ZNG1A: variants seen among roughly 807,000 people sequenced by gnomAD.
The protein encoded by ZNG1A is zinc-regulated GTPase metalloprotein activator 1A.
chr9:144,495 G>A, the ZNG1A span, among the ~76,000 whole-genome samples: 11 of 152,064 alleles, frequency 7.2e-5, no homozygotes, highest in African/African-American at 4.8e-5. Flanking sequence ...CTAGCCATAT[G>A]TAGAAAGCTG....
the ZNG1A span, among the ~76,000 whole-genome samples, chr9:175,950 T>C: frequency 2.0e-5 from 3 of 150,510 alleles, no homozygotes; most frequent in East Asian, 5.8e-4. Context: ...TCGAAACCTG[T>C]TGCAAAATAC....
At chr9:142,397 A>G in the ZNG1A span, among the ~76,000 whole-genome samples, 2 of 110,870 alleles carry the variant, frequency 1.8e-5, no homozygotes, top group Admixed American at 9.7e-5. Context: ...CTCACTCAAA[A>G]CCGCTCAACT....
At chr9:164,063 T>G in the ZNG1A span, 5 of 1,558,326 alleles carry the variant, frequency 3.2e-6, no homozygotes, top group African/African-American at 7.1e-5. Flanking sequence ...ATTCATCAAA[T>G]AAAAATATTT....
chr9:178,757 C>G, the ZNG1A span: 11 of 1,007,836 alleles, frequency 1.1e-5, no homozygotes, highest in African/African-American at 1.5e-4. Flanking sequence ...GCACCGGCAG[C>G]CCGCAAAATC....
chr9:156,069 G>C, the ZNG1A span, among the ~76,000 whole-genome samples: 2 of 150,668 alleles, frequency 1.3e-5, no homozygotes, highest in African/African-American at 4.8e-5. Flanking sequence ...GAACCTGGGA[G>C]GCGGAGGTTG....
the ZNG1A span, among the ~76,000 whole-genome samples, chr9:124,078 C>A: frequency 2.6e-5 from 4 of 152,066 alleles, no homozygotes; most frequent in Admixed American, 6.5e-5. Context: ...AGGATAATGC[C>A]CTCTTTGGCT....
chr9:165,320 T>C, the ZNG1A span, among the ~76,000 whole-genome samples: 1 of 151,308 alleles, frequency 6.6e-6, no homozygotes, highest in South Asian at 2.1e-4. Context: ...TTTTAAAAAT[T>C]CATTGATTTT....
At chr9:145,578 T>G in the ZNG1A span, among the ~76,000 whole-genome samples, 2 of 145,194 alleles carry the variant, frequency 1.4e-5, no homozygotes, top group African/African-American at 2.5e-5. Context: ...GGGATAGCAT[T>G]GGGAGATATA....
At chr9:141,796 C>T in the ZNG1A span, among the ~76,000 whole-genome samples, 4,988 of 81,944 alleles carry the variant, frequency 0.061, no homozygotes, top group South Asian at 0.074. Context: ...TCAGGAAACC[C>T]ATCTCACGTG....
chr9:128,507 T>C, the ZNG1A span, among the ~76,000 whole-genome samples: 1 of 149,158 alleles, frequency 6.7e-6, no homozygotes, highest in African/African-American at 2.5e-5. Context: ...TTTCTATAAG[T>C]ATGTCCATTA....
chr9:144,874 A>C, the ZNG1A span, among the ~76,000 whole-genome samples: 1 of 151,110 alleles, frequency 6.6e-6, no homozygotes, highest in Non-Finnish European at 1.5e-5. Flanking sequence ...ACCCCATCAA[A>C]AAGTGGGCGA....
the ZNG1A span, among the ~76,000 whole-genome samples, chr9:156,961 T>C: frequency 3.4e-5 from 5 of 148,512 alleles, 1 homozygote; most frequent in African/African-American, 1.2e-4. Flanking sequence ...TAGAATCTAA[T>C]ATACTTCCCT....
the ZNG1A span, among the ~76,000 whole-genome samples, chr9:158,889 T>C: frequency 6.6e-6 from 1 of 152,146 alleles, no homozygotes; most frequent in Non-Finnish European, 1.5e-5. Flanking sequence ...ATATCAGCCC[T>C]GCACTTCCCT....
chr9:140,987 G>C, the ZNG1A span, among the ~76,000 whole-genome samples: 3 of 137,414 alleles, frequency 2.2e-5, no homozygotes, highest in Non-Finnish European at 4.6e-5. Flanking sequence ...GGGAAGTTTA[G>C]AGAAAAAAGA....
the ZNG1A span, among the ~76,000 whole-genome samples, chr9:128,568 ATTTCTCC>A: frequency 7.0e-6 from 1 of 143,186 alleles, no homozygotes; most frequent in African/African-American, 2.7e-5. Context: ...TTCATTGAAT[ATTTCTCC>A]CTTTACTTCT....
the ZNG1A span, among the ~76,000 whole-genome samples, chr9:139,156 G>A: frequency 1.3e-5 from 2 of 148,798 alleles, no homozygotes; most frequent in Non-Finnish European, 3.0e-5. Flanking sequence ...AAGTAAATGT[G>A]GTATATGTAG....
chr9:149,108 A>C, the ZNG1A span: 1 of 150,036 alleles, frequency 6.7e-6, no homozygotes, highest in African/African-American at 2.5e-5. Context: ...AACTAATCAC[A>C]TTTTCCAAAC....
At chr9:167,699 C>T in the ZNG1A span, 1 of 150,048 alleles carries the variant, frequency 6.7e-6, no homozygotes, top group Admixed American at 6.6e-5. Context: ...GAAACTAGGC[C>T]AATTAATATC....
At chr9:177,417 G>T in the ZNG1A span, among the ~76,000 whole-genome samples, 102 of 151,874 alleles carry the variant, frequency 6.7e-4, 1 homozygote, top group South Asian at 0.02. Context: ...GATTTGGGGG[G>T]ATGGTAACAG....
Sources: allele counts gnomAD v4.1 joint callset (sites outside exome capture counted in the v4.1 genomes callset), GRCh38; gene constraint gnomAD v4.1.1; transcripts MANE v1.5; gene names NCBI Gene and HGNC (gene_info 2026-07-23, HGNC 2026-07-21).